FHIP1A: variants seen among roughly 807,000 people sequenced by gnomAD.
FHIP1A encodes FHF complex subunit HOOK interacting protein 1A.
In FHIP1A, 61 loss-of-function variants were observed where a neutral mutation model predicts 88.6. The ratio of observed to expected loss-of-function variants is 0.69; its 90% CI spans 0.56 to 0.85. The LOEUF (loss-of-function observed/expected upper bound fraction) is 0.85. Among genes scored for constraint, FHIP1A ranks in the 40% least tolerant of loss-of-function variants. FHIP1A has a pLI of 0.00. For missense variants in FHIP1A, 1,154 were observed against 1,273.5 expected, an observed-to-expected ratio of 0.91 and a Z score of 1.43; for synonymous variants, 478 against 496.0, an observed-to-expected ratio of 0.96 and a Z score of 0.48.
At chr4:151,649,164 G>T (rs1430976039) in intron 10 of FHIP1A, among the ~76,000 whole-genome samples, 1 of 152,184 alleles carries the variant, frequency 6.6e-6, no homozygotes, top group Admixed American at 6.5e-5. Context: ...CTGAGAGATT[G>T]CGATCATCAG....
intron 1 of FHIP1A, among the ~76,000 whole-genome samples, chr4:151,428,061 G>T (rs567199429): frequency 5.9e-5 from 9 of 152,144 alleles, no homozygotes; most frequent in Admixed American, 1.3e-4. Flanking sequence ...TAGTATCATG[G>T]TAATCTGTTT....
At chr4:151,568,598 C>T (rs1180061912) in intron 4 of FHIP1A, among the ~76,000 whole-genome samples, 1 of 152,170 alleles carries the variant, frequency 6.6e-6, no homozygotes, top group Non-Finnish European at 1.5e-5. Context: ...GTAGGCATCA[C>T]ACGTGGGACT....
intron 3 of FHIP1A, among the ~76,000 whole-genome samples, chr4:151,551,775 C>T (rs1307128298): frequency 6.6e-6 from 1 of 152,142 alleles, no homozygotes; most frequent in African/African-American, 2.4e-5. Context: ...TAGGCATGGG[C>T]AAAGACTTCA....
chr4:151,590,923 A>C (rs781157584), intron 7 of FHIP1A, among the ~76,000 whole-genome samples: 1 of 152,208 alleles, frequency 6.6e-6, no homozygotes, highest in South Asian at 2.1e-4. Flanking sequence ...TGAGAAGCGA[A>C]TGTTACTGTA....
intron 6 of FHIP1A, among the ~76,000 whole-genome samples, chr4:151,587,964 T>C (rs1351982590): frequency 6.6e-6 from 1 of 152,134 alleles, no homozygotes; most frequent in Non-Finnish European, 1.5e-5. Flanking sequence ...TATCAGTAAT[T>C]TGAAGATCTA....
At chr4:151,552,646 T>C (rs556527483) in intron 3 of FHIP1A, among the ~76,000 whole-genome samples, 12 of 151,018 alleles carry the variant, frequency 7.9e-5, no homozygotes, top group African/African-American at 1.2e-4. Flanking sequence ...GGACACAGGG[T>C]GGGGAACATC....
rs114549615 is a variant in FHIP1A, at chr4:151,534,264, T to A, written c.-122-31874T>A. 6.1e-3 allele frequency among the ~76,000 whole-genome samples: 937 copies of A among 152,372 alleles called. 10 individuals carry two copies. The highest frequency in any genetic ancestry group is 0.021 in the African/African-American group (857 of 41,586). On this transcript the variant is annotated intron_variant, in intron 3 of 13. Transcript: ENST00000435205. ...ATTGAAATAGCAGCTATTTAAGTTC[T>A]CACTATGTTATGTTAAAGGTATGTT...
chr4:151,546,561 C>T (rs1732511689), intron 3 of FHIP1A, among the ~76,000 whole-genome samples: 1 of 152,180 alleles, frequency 6.6e-6, no homozygotes, highest in Admixed American at 6.5e-5. Flanking sequence ...AAATGTAGAC[C>T]TTGCTTTCAC....
At chr4:151,494,598 G>A (rs773875948) in intron 3 of FHIP1A, among the ~76,000 whole-genome samples, 23 of 152,094 alleles carry the variant, frequency 1.5e-4, no homozygotes, top group Non-Finnish European at 2.8e-4. Context: ...TTAAAGTCTG[G>A]TAACATGATG....
chr4:151,488,548 G>A (rs996413920), intron 3 of FHIP1A, among the ~76,000 whole-genome samples: 1 of 152,212 alleles, frequency 6.6e-6, no homozygotes, highest in African/African-American at 2.4e-5. Flanking sequence ...CTGTTGATGA[G>A]CACCTAGGGT....
chr4:151,600,038 C>T (rs903013270), intron 7 of FHIP1A, among the ~76,000 whole-genome samples: 1 of 152,198 alleles, frequency 6.6e-6, no homozygotes, highest in Non-Finnish European at 1.5e-5. Context: ...GTCTCTTGTT[C>T]ACACTGCATC....
intron 3 of FHIP1A, among the ~76,000 whole-genome samples, chr4:151,527,482 C>T (rs1385229405): frequency 6.6e-6 from 1 of 152,112 alleles, no homozygotes; most frequent in Admixed American, 6.5e-5. Context: ...CAGTACCGTC[C>T]AGCTTCGGCT....
At chr4:151,472,038 C>T (rs1290917145) in intron 2 of FHIP1A, among the ~76,000 whole-genome samples, 2 of 152,012 alleles carry the variant, frequency 1.3e-5, no homozygotes, top group Non-Finnish European at 2.9e-5. Flanking sequence ...TGGGTTGGTT[C>T]CACATTTTTG....
At chr4:151,509,913 C>T (rs1560738542) in intron 3 of FHIP1A, among the ~76,000 whole-genome samples, 1 of 152,090 alleles carries the variant, frequency 6.6e-6, no homozygotes, top group African/African-American at 2.4e-5. Flanking sequence ...GGGCAGGAAC[C>T]TTTTGGGAGG....
chr4:151,550,538 A>G (rs1732685814), intron 3 of FHIP1A, among the ~76,000 whole-genome samples: 1 of 152,232 alleles, frequency 6.6e-6, no homozygotes, highest in Non-Finnish European at 1.5e-5. Context: ...AAGATGGAAT[A>G]TTAGAAAATA....
At position 151,549,903 on chromosome 4, in the gene FHIP1A, T is replaced by A. The variant is rs79119942; in HGVS notation, c.-122-16235T>A. ...AGTCTTTGAAAGAGAGATGAGTATG[T>A]GTTAAAGTAAAGGGGAAAATTTCTC... On this transcript the variant is annotated intron_variant, in intron 3 of 13. Coordinates refer to ENST00000435205, the MANE Select transcript of FHIP1A (RefSeq NM_001109977.3). 1.1e-4 allele frequency among the ~76,000 whole-genome samples: 17 copies of A among 152,304 alleles called. No homozygotes were observed. The East Asian group carries it at 3.3e-3, about 29-fold the overall frequency.
At chr4:151,481,220 G>A (rs1288365851) in intron 2 of FHIP1A, among the ~76,000 whole-genome samples, 1 of 151,676 alleles carries the variant, frequency 6.6e-6, no homozygotes, top group African/African-American at 2.4e-5. Context: ...ATTGTACCCT[G>A]CTTTTTCTTT....
At chr4:151,431,585 T>A (rs951540195) in intron 1 of FHIP1A, among the ~76,000 whole-genome samples, 1 of 152,176 alleles carries the variant, frequency 6.6e-6, no homozygotes, top group Non-Finnish European at 1.5e-5. Context: ...TATTTTGCTG[T>A]GGCTTCAGGA....
At chr4:151,472,369 G>A (rs535657057) in intron 2 of FHIP1A, among the ~76,000 whole-genome samples, 1 of 151,778 alleles carries the variant, frequency 6.6e-6, no homozygotes, top group Admixed American at 6.6e-5. Context: ...GAGTATTTCT[G>A]GTCAAGAGAA....
Sources: allele counts gnomAD v4.1 joint callset (sites outside exome capture counted in the v4.1 genomes callset), GRCh38; gene constraint gnomAD v4.1.1; transcripts MANE v1.5; gene names NCBI Gene and HGNC (gene_info 2026-07-23, HGNC 2026-07-21).